ST3GAL3: variants seen among roughly 807,000 people sequenced by gnomAD.
ST3GAL3 encodes ST3 beta-galactoside alpha-2,3-sialyltransferase 3, also known as CMP-N-acetylneuraminate-beta-1,4-galactoside alpha-2,3-sialyltransferase.
In ST3GAL3, 21 loss-of-function variants were observed where a neutral mutation model predicts 50.1. That is an observed-to-expected ratio of 0.42 (90% CI 0.30 to 0.60). The LOEUF is 0.60. Ranked by LOEUF, ST3GAL3 falls within the 20% of genes least tolerant of loss-of-function variation. The probability of loss-of-function intolerance (pLI) is 0.19; values close to 1 mark genes in which losing one functional copy is unlikely to be tolerated. For synonymous variants in ST3GAL3, 183 were observed against 190.0 expected (o/e 0.96, Z 0.30); for missense variants, 353 against 489.4 (o/e 0.72, Z 2.63).
At chr1:43,776,444 T>C (rs766616179) in intron 2 of ST3GAL3, among the ~76,000 whole-genome samples, 6 of 152,192 alleles carry the variant, frequency 3.9e-5, no homozygotes, top group Non-Finnish European at 8.8e-5. Flanking sequence ...AACACCACAT[T>C]TTATTTATCC....
chr1:43,783,475 G>A (rs957057928), intron 2 of ST3GAL3, among the ~76,000 whole-genome samples: 2 of 152,104 alleles, frequency 1.3e-5, no homozygotes, highest in African/African-American at 2.4e-5. Flanking sequence ...TTTGAGACTC[G>A]ATAGAAAGGT....
At chr1:43,851,920 G>A (rs2067397044) in intron 5 of ST3GAL3, among the ~76,000 whole-genome samples, 1 of 152,192 alleles carries the variant, frequency 6.6e-6, no homozygotes, top group African/African-American at 2.4e-5. Context: ...CTAGTGCTCT[G>A]CTAGGTGCAC....
chr1:43,763,721 A>C (rs1691441428), intron 2 of ST3GAL3, among the ~76,000 whole-genome samples: 1 of 152,164 alleles, frequency 6.6e-6, no homozygotes, highest in African/African-American at 2.4e-5. Flanking sequence ...CACTTACTAG[A>C]CCGTGGGCAT....
intron 2 of ST3GAL3, chr1:43,738,101 C>G (rs1162227289): frequency 1.3e-5 from 2 of 151,742 alleles, no homozygotes; most frequent in Non-Finnish European, 2.9e-5. Context: ...AATATTCTAC[C>G]TGGTAAAAAG....
chr1:43,765,159 G>A (rs1572402334), intron 2 of ST3GAL3, among the ~76,000 whole-genome samples: 1 of 152,104 alleles, frequency 6.6e-6, no homozygotes, highest in African/African-American at 2.4e-5. Flanking sequence ...TTCTATATTG[G>A]TGGGGAGGAA....
chr1:43,825,016 G>C, intron 4 of ST3GAL3: 1 of 695,994 alleles, frequency 1.4e-6, no homozygotes, highest in East Asian at 2.7e-5. Context: ...GTACATAGGA[G>C]TATGTCTATG....
rs538783102 is a variant in ST3GAL3, at chr1:43,776,206, G to A, written c.119-15896G>A. Among the ~76,000 whole-genome samples, 9 of 152,200 alleles carry A rather than the reference G, an allele frequency of 5.9e-5. No homozygotes were observed. In the South Asian group the frequency reaches 1.7e-3, roughly 28 times the overall value. ...AATCCTGCAGCCATTTGCCGTCAGGGCCCATTTTCCCTCAGTCACCCGTAT... is the reference window on the plus strand; with the variant it reads ...AATCCTGCAGCCATTTGCCGTCAGGACCCATTTTCCCTCAGTCACCCGTAT... On this transcript the variant is annotated intron_variant, in intron 2 of 11. Coordinates refer to ENST00000347631, the MANE Select transcript of ST3GAL3 (RefSeq NM_006279.5).
intron 6 of ST3GAL3, among the ~76,000 whole-genome samples, chr1:43,896,154 G>T (rs1014677139): frequency 1.3e-5 from 2 of 152,134 alleles, no homozygotes; most frequent in Non-Finnish European, 2.9e-5. Context: ...AACTGCACCT[G>T]CTGCCTCCTC....
chr1:43,923,804 G>A (rs1355654615), intron 11 of ST3GAL3, among the ~76,000 whole-genome samples: 1 of 151,928 alleles, frequency 6.6e-6, no homozygotes, highest in Non-Finnish European at 1.5e-5. Flanking sequence ...TTGTAGGGAT[G>A]AGATTTTGCT....
intron 2 of ST3GAL3, among the ~76,000 whole-genome samples, chr1:43,750,159 C>T (rs1685479004): frequency 6.6e-6 from 1 of 152,174 alleles, no homozygotes; most frequent in African/African-American, 2.4e-5. Flanking sequence ...CCACTTCACA[C>T]CCATTAGAAT....
intron 5 of ST3GAL3, among the ~76,000 whole-genome samples, chr1:43,857,836 G>A (rs1424934410): frequency 3.3e-5 from 5 of 152,004 alleles, no homozygotes; most frequent in Non-Finnish European, 7.4e-5. Flanking sequence ...GGCTGGTCTC[G>A]AACTCCTGAC....
intron 3 of ST3GAL3, among the ~76,000 whole-genome samples, chr1:43,798,939 G>A (rs2059007015): frequency 6.6e-6 from 1 of 152,172 alleles, no homozygotes. Context: ...GAGTGCTTGA[G>A]GTCAAATAAA....
Position 43,814,952 on chromosome 1 carries a change from T to A in ST3GAL3, c.209+19T>A, listed in dbSNP as rs1436497431. ...CTAAACTGTGAGTAGAATGAGAAGA[T>A]ACCTTGGCTCTGTGGCAGAGAGGTC... is the stretch of plus-strand genomic sequence containing the variant. On this transcript the variant is annotated intron_variant, in intron 4 of 11. Transcript: ENST00000347631. 1 of 1,613,494 alleles carries A rather than the reference T, an allele frequency of 6.2e-7. No homozygotes were observed. Among genetic ancestry groups the A allele is most frequent in the African/African-American group, 1.3e-5 (1 of 74,918 alleles).
At chr1:43,917,554 T>A (rs1290836125) in intron 9 of ST3GAL3, among the ~76,000 whole-genome samples, 1 of 87,168 alleles carries the variant, frequency 1.1e-5, no homozygotes, top group Non-Finnish European at 2.1e-5. Context: ...GTATTATATA[T>A]AATATATTAT....
chr1:43,794,731 A>C (rs2058492161), intron 3 of ST3GAL3, among the ~76,000 whole-genome samples: 1 of 152,266 alleles, frequency 6.6e-6, no homozygotes, highest in African/African-American at 2.4e-5. Context: ...CATAGGGAAC[A>C]GTAAAAATGA....
chr1:43,772,305 C>T (rs1324944101), intron 2 of ST3GAL3: 7 of 318,312 alleles, frequency 2.2e-5, no homozygotes, highest in Non-Finnish European at 5.7e-6. Flanking sequence ...GCCTCAGCCT[C>T]CCAAAGTGCT....
chr1:43,858,134 G>T (rs2068972070), intron 5 of ST3GAL3: 1 of 1,289,402 alleles, frequency 7.8e-7, no homozygotes, highest in Non-Finnish European at 1.0e-6. Context: ...ATCTTCCCCA[G>T]AGCTAAGAGA....
At chr1:43,882,863 C>A (rs182588803) in intron 5 of ST3GAL3, among the ~76,000 whole-genome samples, 1 of 152,306 alleles carries the variant, frequency 6.6e-6, no homozygotes, top group East Asian at 1.9e-4. Context: ...AAAAGAGACT[C>A]CCACAGCCCC....
At chr1:43,809,716 C>T (rs1219303233) in intron 3 of ST3GAL3, among the ~76,000 whole-genome samples, 1 of 150,660 alleles carries the variant, frequency 6.6e-6, no homozygotes, top group Non-Finnish European at 1.5e-5. Flanking sequence ...GGAAAAGGGC[C>T]GAGCGTGGTG....
Sources: gnomAD v4.1 joint callset for allele counts (sites outside exome capture counted in the v4.1 genomes callset) on GRCh38, gnomAD v4.1.1 for gene constraint, MANE v1.5 for transcripts, NCBI Gene and HGNC (gene_info 2026-07-23, HGNC 2026-07-21) for gene names.